Variants in RGS7 observed in about 807,000 individuals in gnomAD.
The protein encoded by RGS7 is regulator of G protein signaling 7, also known as regulator of G-protein signaling 7.
A neutral mutation model predicts 81.1 loss-of-function variants in RGS7; 27 were observed. That is an observed-to-expected ratio of 0.33 (90% confidence interval 0.25 to 0.46). The LOEUF is 0.46. Ranked by LOEUF, RGS7 falls within the 20% of genes least tolerant of loss-of-function variation. RGS7 has a pLI of 1.00. For missense variants in RGS7, 396 were observed against 607.4 expected (o/e 0.65, Z 3.66); for synonymous variants, 208 against 207.7 (o/e 1.00, Z -0.01).
At chr1:241,068,257 T>TATATATATATATATATA (rs1433690559) in intron 3 of RGS7, among the ~76,000 whole-genome samples, 3 of 73,260 alleles carry the variant, frequency 4.1e-5, no homozygotes, top group African/African-American at 8.8e-5. Context: ...TATATATATA[T>TATATATATATATATATA]AAAATATTGT....
chr1:240,797,784 A>C (rs1687319352), intron 18 of RGS7, among the ~76,000 whole-genome samples: 1 of 152,228 alleles, frequency 6.6e-6, no homozygotes, highest in Non-Finnish European at 1.5e-5. Flanking sequence ...TAACATTTAA[A>C]GGTATGAGAG....
chr1:240,890,817 T>C (rs1668169752), intron 6 of RGS7, among the ~76,000 whole-genome samples: 1 of 150,196 alleles, frequency 6.7e-6, no homozygotes, highest in South Asian at 2.1e-4. Flanking sequence ...AACCCAGTTG[T>C]CTGGGAAGAG....
chr1:241,170,605 T>C (rs2070661594), intron 2 of RGS7, among the ~76,000 whole-genome samples: 1 of 152,146 alleles, frequency 6.6e-6, no homozygotes, highest in Admixed American at 6.5e-5. Context: ...ACCTCAAGGC[T>C]ACCATGTTGT....
intron 2 of RGS7, among the ~76,000 whole-genome samples, chr1:241,131,892 G>T (rs1167427659): frequency 6.6e-6 from 1 of 152,146 alleles, no homozygotes; most frequent in Non-Finnish European, 1.5e-5. Flanking sequence ...TTCGTTAATG[G>T]TCTGCCTCAT....
At chr1:241,236,351 T>C (rs2075976568) in intron 2 of RGS7, among the ~76,000 whole-genome samples, 1 of 152,200 alleles carries the variant, frequency 6.6e-6, no homozygotes, top group Non-Finnish European at 1.5e-5. Flanking sequence ...AAGGTTTTTC[T>C]CTTTCAGTGT....
intron 4 of RGS7, among the ~76,000 whole-genome samples, chr1:240,939,066 T>C (rs1296743524): frequency 1.3e-5 from 2 of 152,198 alleles, no homozygotes; most frequent in African/African-American, 4.8e-5. Context: ...CCTGGCAGGA[T>C]TGACGTGAGA....
intron 18 of RGS7, among the ~76,000 whole-genome samples, chr1:240,785,039 A>C (rs1264694246): frequency 2.0e-5 from 3 of 152,156 alleles, no homozygotes; most frequent in African/African-American, 4.8e-5. Flanking sequence ...CATGTTGAAA[A>C]ATGCCTTTTC....
intron 2 of RGS7, chr1:241,186,518 T>A: frequency 2.9e-6 from 1 of 348,634 alleles, no homozygotes; most frequent in African/African-American, 2.6e-5. Context: ...ACCATATATA[T>A]ATATATTTTT....
intron 2 of RGS7, among the ~76,000 whole-genome samples, chr1:241,239,527 T>A (rs939866380): frequency 6.6e-6 from 1 of 152,180 alleles, no homozygotes; most frequent in Non-Finnish European, 1.5e-5. Context: ...CTGACTCTTT[T>A]CTTGTTACTT....
intron 2 of RGS7, among the ~76,000 whole-genome samples, chr1:241,320,895 T>C (rs2081169680): frequency 6.6e-6 from 1 of 152,216 alleles, no homozygotes; most frequent in Non-Finnish European, 1.5e-5. Context: ...GTATTTACAA[T>C]ACAAAGCTTA....
At chr1:241,106,549 AC>A (rs1300130849) in intron 2 of RGS7, among the ~76,000 whole-genome samples, 1 of 146,800 alleles carries the variant, frequency 6.8e-6, no homozygotes, top group Non-Finnish European at 1.5e-5. Flanking sequence ...TTCTGTCTCT[AC>A]TAAAAATACA....
chr1:240,806,118 G>C (rs752891193), intron 15 of RGS7, 22 bp downstream of exon 15: 2 of 1,608,384 alleles, frequency 1.2e-6, no homozygotes, highest in South Asian at 2.2e-5. Context: ...CGTTTGTGGT[G>C]TGAGGCTCAC....
At chr1:241,104,248 T>A (rs1285075029) in intron 2 of RGS7, among the ~76,000 whole-genome samples, 2 of 152,192 alleles carry the variant, frequency 1.3e-5, no homozygotes, top group Non-Finnish European at 2.9e-5. Context: ...ATACGGATCC[T>A]TTTTCTTTTA....
chr1:240,915,864 T>C (rs771705708), intron 6 of RGS7, among the ~76,000 whole-genome samples: 2 of 151,992 alleles, frequency 1.3e-5, no homozygotes, highest in Non-Finnish European at 2.9e-5. Context: ...AATGAAAAAT[T>C]AGTTCATCAA....
intron 2 of RGS7, among the ~76,000 whole-genome samples, chr1:241,316,480 G>A (rs960174779): frequency 6.6e-6 from 1 of 152,186 alleles, no homozygotes; most frequent in African/African-American, 2.4e-5. Flanking sequence ...TTAGCATAAA[G>A]AGATACTTAA....
chr1:241,066,036 C>T (rs2062041228), intron 3 of RGS7, among the ~76,000 whole-genome samples: 1 of 152,128 alleles, frequency 6.6e-6, no homozygotes, highest in Non-Finnish European at 1.5e-5. Flanking sequence ...AGTATATAAA[C>T]TTACCTAAGT....
At chr1:240,880,095 G>C (rs773244844) in intron 6 of RGS7, among the ~76,000 whole-genome samples, 1 of 152,180 alleles carries the variant, frequency 6.6e-6, no homozygotes, top group Non-Finnish European at 1.5e-5. Context: ...AGACTGGAGT[G>C]CAGTGGTACA....
At chr1:241,277,272 C>T (rs879437722) in intron 2 of RGS7, among the ~76,000 whole-genome samples, 2 of 152,096 alleles carry the variant, frequency 1.3e-5, no homozygotes, top group Admixed American at 6.6e-5. Context: ...ATAAGTTTAC[C>T]GCAATATATA....
chr1:241,248,367 CGTATATATAT>C (rs998646660), intron 2 of RGS7, among the ~76,000 whole-genome samples: 12 of 144,060 alleles, frequency 8.3e-5, no homozygotes, highest in African/African-American at 2.6e-4. Context: ...TATATATATA[CGTATATATAT>C]GTATATATAC....
Sources: allele counts gnomAD v4.1 joint callset (sites outside exome capture counted in the v4.1 genomes callset), GRCh38; gene constraint gnomAD v4.1.1; transcripts MANE v1.5; gene names NCBI Gene and HGNC (gene_info 2026-07-23, HGNC 2026-07-21).